The following GRID2 variants were observed in gnomAD, a reference collection of about 807,000 sequenced individuals.
GRID2 encodes glutamate receptor ionotropic, delta-2.
Under a neutral mutation model 114.8 loss-of-function variants are expected in GRID2, and 33 were observed. The ratio of observed to expected loss-of-function variants is 0.29; its 90% CI spans 0.22 to 0.38. GRID2 has a LOEUF of 0.38. Among genes scored for constraint, GRID2 ranks in the 10% least tolerant of loss-of-function variants. The probability of loss-of-function intolerance (pLI) is 1.00; values close to 1 mark genes in which losing one functional copy is unlikely to be tolerated. For synonymous variants in GRID2, 505 were observed against 449.9 expected (o/e 1.12, Z -1.55); for missense variants, 1,184 against 1,257.7 (o/e 0.94, Z 0.89).
intron 2 of GRID2, among the ~76,000 whole-genome samples, chr4:92,622,170 G>T (rs1459838894): frequency 6.6e-6 from 1 of 151,746 alleles, no homozygotes; most frequent in Non-Finnish European, 1.5e-5. Context: ...CTGAGTCATA[G>T]TAAGAATTAA....
At chr4:92,942,938 T>A (rs534572725) in intron 2 of GRID2, among the ~76,000 whole-genome samples, 2 of 152,222 alleles carry the variant, frequency 1.3e-5, no homozygotes, top group African/African-American at 2.4e-5. Context: ...CCGAGAGATC[T>A]GCTGTTATTC....
chr4:93,307,738 A>G (rs1422849567), intron 8 of GRID2, among the ~76,000 whole-genome samples: 1 of 152,218 alleles, frequency 6.6e-6, no homozygotes, highest in Admixed American at 6.5e-5. Context: ...ATTCCATTCC[A>G]AATATTTCAT....
intron 2 of GRID2, among the ~76,000 whole-genome samples, chr4:92,963,973 A>G (rs1752979253): frequency 6.6e-6 from 1 of 152,000 alleles, no homozygotes; most frequent in Non-Finnish European, 1.5e-5. Flanking sequence ...TGCATTGTCA[A>G]TAAGCAGTCA....
At chr4:93,550,566 A>C (rs1052644167) in intron 13 of GRID2, among the ~76,000 whole-genome samples, 3 of 152,210 alleles carry the variant, frequency 2.0e-5, no homozygotes, top group African/African-American at 7.2e-5. Context: ...TTCCTTCTGA[A>C]GGCATTCATA....
At chr4:92,872,045 G>C (rs1213254226) in intron 2 of GRID2, among the ~76,000 whole-genome samples, 1 of 152,030 alleles carries the variant, frequency 6.6e-6, no homozygotes, top group Non-Finnish European at 1.5e-5. Flanking sequence ...GTGCTTATTT[G>C]TGTACATATA....
chr4:93,192,480 G>A (rs1005127617), intron 4 of GRID2, among the ~76,000 whole-genome samples: 21 of 152,022 alleles, frequency 1.4e-4, no homozygotes, highest in African/African-American at 4.6e-4. Flanking sequence ...TGTGGCTCAC[G>A]CCTGTAATCC....
chr4:93,549,968 C>T (rs575007535), intron 13 of GRID2, among the ~76,000 whole-genome samples: 1 of 152,140 alleles, frequency 6.6e-6, no homozygotes, highest in Non-Finnish European at 1.5e-5. Context: ...TGTCCCTGAA[C>T]CTTAGGCATG....
At chr4:93,280,161 A>G (rs572777863) in intron 8 of GRID2, among the ~76,000 whole-genome samples, 23 of 152,070 alleles carry the variant, frequency 1.5e-4, no homozygotes, top group Non-Finnish European at 2.7e-4. Flanking sequence ...GAGATAGAGA[A>G]CAAACAAAAC....
At chr4:93,367,206 T>TA (rs1229619889) in intron 8 of GRID2, among the ~76,000 whole-genome samples, 1 of 149,614 alleles carries the variant, frequency 6.7e-6, no homozygotes, top group Non-Finnish European at 1.5e-5. Flanking sequence ...TTTTTTAAGT[T>TA]TTTTTTTTTT....
intron 2 of GRID2, among the ~76,000 whole-genome samples, chr4:92,594,000 G>A (rs888332836): frequency 6.6e-6 from 1 of 151,122 alleles, no homozygotes; most frequent in Non-Finnish European, 1.5e-5. Flanking sequence ...ATATAAATCT[G>A]GTTGAATATT....
intron 2 of GRID2, among the ~76,000 whole-genome samples, chr4:92,620,851 G>C (rs1021956167): frequency 1.3e-5 from 2 of 151,242 alleles, no homozygotes; most frequent in African/African-American, 4.9e-5. Context: ...TAAATGATGA[G>C]TTAATGGGTG....
chr4:93,107,603 A>G (rs1732367341), intron 3 of GRID2, among the ~76,000 whole-genome samples: 1 of 152,038 alleles, frequency 6.6e-6, no homozygotes, highest in African/African-American at 2.4e-5. Context: ...CAGTGACACA[A>G]TCTCAGCTCA....
At chr4:93,232,709 A>G (rs1746286602) in intron 7 of GRID2, among the ~76,000 whole-genome samples, 2 of 152,002 alleles carry the variant, frequency 1.3e-5, no homozygotes, top group Admixed American at 6.6e-5. Flanking sequence ...AAGTACCAGT[A>G]CATTTTCTTA....
intron 2 of GRID2, among the ~76,000 whole-genome samples, chr4:92,826,758 A>T (rs988847448): frequency 1.3e-5 from 2 of 152,148 alleles, no homozygotes; most frequent in African/African-American, 2.4e-5. Flanking sequence ...CCTTATATTG[A>T]TTTGCAAATC....
intron 14 of GRID2, among the ~76,000 whole-genome samples, chr4:93,708,228 A>G (rs1455545202): frequency 1.3e-5 from 2 of 151,974 alleles, no homozygotes; most frequent in African/African-American, 4.8e-5. Context: ...CTAGTGTGAA[A>G]CACTAGTCCA....
At chr4:93,245,597 G>A (rs1238360848) in intron 8 of GRID2, among the ~76,000 whole-genome samples, 1 of 152,116 alleles carries the variant, frequency 6.6e-6, no homozygotes, top group East Asian at 1.9e-4. Context: ...TAAGATTATT[G>A]TCTCACAGCG....
At chr4:93,140,195 G>A (rs533236262) in intron 4 of GRID2, among the ~76,000 whole-genome samples, 6 of 126,988 alleles carry the variant, frequency 4.7e-5, no homozygotes, top group African/African-American at 1.9e-4. Flanking sequence ...GTCTCACTCT[G>A]TCACCCAGGC....
intron 2 of GRID2, among the ~76,000 whole-genome samples, chr4:92,923,159 CTT>C (rs764012993): frequency 1.3e-5 from 2 of 152,062 alleles, no homozygotes; most frequent in African/African-American, 2.4e-5. Flanking sequence ...ATGTAGTAAT[CTT>C]AATGCATATT....
chr4:93,254,319 C>T (rs1247575214), intron 8 of GRID2, among the ~76,000 whole-genome samples: 1 of 151,758 alleles, frequency 6.6e-6, no homozygotes, highest in East Asian at 1.9e-4. Context: ...AACATAATTC[C>T]ACAAACAGCT....
Sources: gnomAD v4.1 joint callset for allele counts (sites outside exome capture counted in the v4.1 genomes callset) on GRCh38, gnomAD v4.1.1 for gene constraint, MANE v1.5 for transcripts, NCBI Gene and HGNC (gene_info 2026-07-23, HGNC 2026-07-21) for gene names.